Variants in TDRD1 observed in about 807,000 individuals in gnomAD.
TDRD1 encodes the protein tudor domain-containing protein 1.
In TDRD1, 37 loss-of-function variants were observed where a neutral mutation model predicts 140.6. The ratio of observed to expected loss-of-function variants is 0.26; its 90% CI spans 0.20 to 0.35. TDRD1 has a LOEUF of 0.35. Among genes scored for constraint, TDRD1 ranks in the 10% least tolerant of loss-of-function variants. TDRD1 has a pLI of 1.00. For synonymous variants in TDRD1, 506 were observed against 475.7 expected (o/e 1.06, Z -0.83); for missense variants, 1,243 against 1,393.0 (o/e 0.89, Z 1.71).
chr10:114,228,974 T>A (rs547018184), intron 25 of TDRD1, among the ~76,000 whole-genome samples: 124 of 152,264 alleles, frequency 8.1e-4, no homozygotes, highest in African/African-American at 2.8e-3. Flanking sequence ...ACCCAGCTAC[T>A]TGGGAGGCTG....
At chr10:114,199,314 T>G in exon 4 of TDRD1, 1 of 1,601,360 alleles carries the variant, frequency 6.2e-7, no homozygotes, top group Non-Finnish European at 8.5e-7. Context: ...CTGTGGCCTA[T>G]TTGGTAAGCA....
chr10:114,177,576 G>C (rs886631156), upstream of TDRD1, among the ~76,000 whole-genome samples: 2 of 152,148 alleles, frequency 1.3e-5, no homozygotes, highest in African/African-American at 4.8e-5. Flanking sequence ...GAAGTCCCAT[G>C]GCCAAGAAGA....
At chr10:114,187,468 G>A (rs142852231) in intron 1 of TDRD1, among the ~76,000 whole-genome samples, 47 of 152,312 alleles carry the variant, frequency 3.1e-4, no homozygotes, top group African/African-American at 9.6e-4. Context: ...CACCTCTTCC[G>A]TTGCATTTTG....
At chr10:114,212,999 G>C (rs940904845) in intron 14 of TDRD1, among the ~76,000 whole-genome samples, 2 of 152,148 alleles carry the variant, frequency 1.3e-5, no homozygotes, top group African/African-American at 4.8e-5. Context: ...TGTGTTTCTG[G>C]ACATTGTGTA....
At chr10:114,204,264 T>A in intron 9 of TDRD1, 48 bp downstream of exon 9, 1 of 1,537,008 alleles carries the variant, frequency 6.5e-7, no homozygotes, top group Non-Finnish European at 8.7e-7. Context: ...CCAAAGGAGC[T>A]GTTGTCAATG....
intron 22 of TDRD1, 21 bp from the exon 23 acceptor site, chr10:114,227,051 T>C (rs1389094645): frequency 4.8e-6 from 6 of 1,260,168 alleles, no homozygotes; most frequent in Non-Finnish European, 6.8e-6. Context: ...ACTAAAAGAC[T>C]ATAATATCTA....
intron 2 of TDRD1, among the ~76,000 whole-genome samples, chr10:114,190,480 T>C (rs1015143075): frequency 1.3e-5 from 2 of 152,114 alleles, no homozygotes; most frequent in African/African-American, 4.8e-5. Context: ...GAACAAGTCC[T>C]TTTATTTATA....
intron 2 of TDRD1, among the ~76,000 whole-genome samples, chr10:114,188,476 C>G (rs1434926466): frequency 3.9e-5 from 6 of 152,200 alleles, no homozygotes; most frequent in Admixed American, 3.9e-4. Context: ...AAATACTGTG[C>G]AAACTTCATG....
chr10:114,220,673 A>G lies in TDRD1; in HGVS notation c.2600A>G (p.Asn867Ser). Residue 867 changes from asparagine (N) to serine (S), a missense_variant, in exon 19 of 26, where the codon AAT (asparagine) becomes AGT (serine). Transcript: ENST00000251864. The stretch of plus-strand genomic sequence containing the variant: ...GCCAGAGTGGTTGAAGTCACTGAAA[A>G]TGGGATAGGAGTTGAACTCACCGAT... 1.9e-6 allele frequency: 3 copies of G among 1,613,054 alleles called. No homozygotes were observed. In the South Asian group the frequency reaches 3.3e-5, roughly 18 times the overall value.
chr10:114,219,557 A>G (rs923994297), intron 18 of TDRD1, among the ~76,000 whole-genome samples: 1 of 151,672 alleles, frequency 6.6e-6, no homozygotes. Flanking sequence ...TTTATTTTAT[A>G]ATATATTTCA....
In TDRD1 at chr10:114,198,430, G is replaced by A. The variant is rs117858700; in HGVS notation, c.385-743G>A. On this transcript the variant is annotated intron_variant, in intron 3 of 25. Coordinates refer to ENST00000251864, the Ensembl canonical transcript of TDRD1. ...GGGATAAAGTGCTGGCACCCTATTC[G>A]CTTGGCCTTCTCTGATACCACACCT... is the stretch of plus-strand genomic sequence containing the variant. Among the ~76,000 whole-genome samples, 937 of 152,208 alleles carry A rather than the reference G, an allele frequency of 6.2e-3. 7 individuals carry two copies. Among genetic ancestry groups the A allele is most frequent in the South Asian group, 0.057 (275 of 4,814 alleles).
chr10:114,213,509 A>C, exon 15 of TDRD1: 3 of 1,613,982 alleles, frequency 1.9e-6, no homozygotes, highest in Non-Finnish European at 2.5e-6. Context: ...GTGTTAGCAA[A>C]GTTCTCCTAG....
At position 114,202,307 on chromosome 10, in the gene TDRD1, T is replaced by C; in HGVS notation, c.696+9T>C. The C allele has an allele frequency of 1.9e-6, 3 of 1,564,662 alleles. No homozygotes were observed. The highest frequency in any genetic ancestry group is 3.8e-4 in the Middle Eastern group (2 of 5,280). ...TGGAGGTAAACAATAAGGTATGGTA[T>C]ACTTTGTCTTTAAATTTTGAATAAC... is the stretch of plus-strand genomic sequence containing the variant. On this transcript the variant is annotated intron_variant, in intron 6 of 25. Coordinates refer to ENST00000251864, the Ensembl canonical transcript of TDRD1.
At chr10:114,197,376 T>C (rs1031403713) in intron 3 of TDRD1, among the ~76,000 whole-genome samples, 1 of 152,350 alleles carries the variant, frequency 6.6e-6, no homozygotes, top group African/African-American at 2.4e-5. Context: ...GTTTTGTATT[T>C]TTGTTATACT....
At chr10:114,208,777 A>T (rs561147896) in intron 11 of TDRD1, among the ~76,000 whole-genome samples, 7 of 144,008 alleles carry the variant, frequency 4.9e-5, no homozygotes, top group African/African-American at 1.0e-4. Context: ...TTAAGATACA[A>T]TTTTTTTTTT....
At chr10:114,195,536 T>G (rs1186840363) in intron 3 of TDRD1, among the ~76,000 whole-genome samples, 1 of 152,202 alleles carries the variant, frequency 6.6e-6, no homozygotes, top group Non-Finnish European at 1.5e-5. Context: ...TTGGGTTGAC[T>G]CTTTTGTCAT....
At chr10:114,207,304 A>G (rs1011925834) in intron 11 of TDRD1, among the ~76,000 whole-genome samples, 2 of 152,070 alleles carry the variant, frequency 1.3e-5, no homozygotes, top group African/African-American at 4.8e-5. Context: ...CCTTAAATCT[A>G]CCTTCTTACC....
intron 2 of TDRD1, 84 bp downstream of exon 2, chr10:114,188,240 G>A: frequency 2.4e-6 from 3 of 1,231,844 alleles, no homozygotes; most frequent in Non-Finnish European, 3.4e-6. Context: ...ACACACCAGT[G>A]GGCTATTAGC....
chr10:114,191,819 T>C (rs1225837274), intron 3 of TDRD1, among the ~76,000 whole-genome samples: 1 of 152,212 alleles, frequency 6.6e-6, no homozygotes, highest in Non-Finnish European at 1.5e-5. Context: ...GACGGTATCA[T>C]TTTACATTCT....
Sources: gnomAD v4.1 joint callset for allele counts (sites outside exome capture counted in the v4.1 genomes callset) on GRCh38, gnomAD v4.1.1 for gene constraint, MANE v1.5 for transcripts, NCBI Gene and HGNC (gene_info 2026-07-23, HGNC 2026-07-21) for gene names.